The following MYO5B variants were observed in gnomAD, a reference collection of about 807,000 sequenced individuals.
MYO5B encodes unconventional myosin-Vb.
Under a neutral mutation model 229.3 loss-of-function variants are expected in MYO5B, and 143 were observed. That is an observed-to-expected ratio of 0.62 (90% CI 0.54 to 0.72). The LOEUF (loss-of-function observed/expected upper bound fraction) is 0.72. MYO5B is among the 30% of genes least tolerant of loss of function. MYO5B has a pLI of 0.00. For synonymous variants in MYO5B, 918 were observed against 885.2 expected, an observed-to-expected ratio of 1.04 and a Z score of -0.66; for missense variants, 2,321 against 2,331.0, an observed-to-expected ratio of 1.00 and a Z score of 0.09.
chr18:49,876,301 T>G (rs1463181177), intron 25 of MYO5B: 1 of 273,724 alleles, frequency 3.7e-6, no homozygotes, highest in East Asian at 9.8e-5. Context: ...ATGCTTGCTC[T>G]GCCCCGGAAC....
intron 32 of MYO5B, 64 bp downstream of exon 32, chr18:49,849,503 A>C: frequency 8.6e-7 from 1 of 1,164,122 alleles, no homozygotes; most frequent in South Asian, 1.2e-5. Flanking sequence ...CAGACAGCTC[A>C]CACCCACAGG....
At chr18:50,166,068 A>G (rs938638655) in intron 1 of MYO5B, among the ~76,000 whole-genome samples, 5 of 152,290 alleles carry the variant, frequency 3.3e-5, no homozygotes, top group Non-Finnish European at 7.3e-5. Flanking sequence ...CTCCTTTTTC[A>G]GCAACCAGAA....
intron 22 of MYO5B, 60 bp from the exon 23 acceptor site, chr18:49,880,515 T>C (rs2024574918): frequency 3.0e-6 from 4 of 1,337,424 alleles, no homozygotes; most frequent in African/African-American, 1.4e-5. Context: ...GAGGCTCCTC[T>C]TGTGGGATTT....
At chr18:50,059,832 G>A (rs933912490) in intron 1 of MYO5B, among the ~76,000 whole-genome samples, 1 of 152,196 alleles carries the variant, frequency 6.6e-6, no homozygotes, top group African/African-American at 2.4e-5. Context: ...GATCTTCCAA[G>A]GGTAATTTTA....
intron 7 of MYO5B, 96 bp from the exon 8 acceptor site, chr18:49,984,921 C>A (rs746080023): frequency 3.8e-5 from 34 of 890,790 alleles, no homozygotes; most frequent in Non-Finnish European, 6.0e-5. Flanking sequence ...GCATGCTATC[C>A]CAGACTAAAT....
At chr18:49,995,232 A>G (rs921340913) in intron 5 of MYO5B, among the ~76,000 whole-genome samples, 5 of 150,614 alleles carry the variant, frequency 3.3e-5, no homozygotes, top group African/African-American at 1.2e-4. Context: ...AAGGATAAAG[A>G]TAGATATTAA....
At chr18:49,857,021 C>A in intron 29 of MYO5B, 131 bp from the exon 30 acceptor site, 1 of 752,400 alleles carries the variant, frequency 1.3e-6, no homozygotes, top group Non-Finnish European at 2.3e-6. Flanking sequence ...CAAGAACTCC[C>A]ATTTTCCCTT....
intron 16 of MYO5B, 76 bp from the exon 17 acceptor site, chr18:49,929,674 G>C (rs371757523): frequency 1.4e-5 from 18 of 1,301,048 alleles, no homozygotes; most frequent in Non-Finnish European, 1.9e-5. Flanking sequence ...AAACAAAAAA[G>C]AATCTTTTCC....
At position 49,847,995 on chromosome 18, in the gene MYO5B, C is replaced by T. The variant is rs571031004; in HGVS notation, c.4316-706G>A. Among the ~76,000 whole-genome samples, 47 of 152,350 alleles carry T rather than the reference C, an allele frequency of 3.1e-4. No homozygotes were observed. The South Asian group carries it at 7.7e-3, about 25-fold the overall frequency. On this transcript the variant is annotated intron_variant, in intron 32 of 39. Coordinates refer to ENST00000285039, the MANE Select transcript of MYO5B (RefSeq NM_001080467.3). ...AGGGTTGAAGGTATAAAGGCCTGGT[C>T]AACCCTCACTCAGGCCTCTCCTCAG...
intron 1 of MYO5B, among the ~76,000 whole-genome samples, chr18:50,127,611 G>A (rs770397982): frequency 1.3e-5 from 2 of 152,222 alleles, no homozygotes; most frequent in African/African-American, 2.4e-5. Flanking sequence ...CCAGTCAAGT[G>A]TAAGTTGATG....
chr18:49,902,722 G>C lies in MYO5B; in HGVS notation c.2683C>G (p.Arg895Gly). 6.2e-7 allele frequency: 1 copy of C among 1,610,868 alleles called. No homozygotes were observed. The highest frequency in any genetic ancestry group is 8.5e-7 in the Non-Finnish European group (1 of 1,180,026). The change falls in exon 21 of 40, where the codon CGG becomes GGG. Residue 895 changes from arginine to glycine, a missense_variant. Around this residue, in one of 2 missense-constraint regions of MYO5B, gnomAD observed 2,113 missense variants for 2,044.7 expected, o/e 1.03. Coordinates refer to ENST00000285039, the MANE Select transcript of MYO5B (RefSeq NM_001080467.3). ...DAAIVIQCAF[R>G]MLKARRELKA... is the part of the protein sequence containing the mutation. ...AGCTCCCGCCTGGCCTTGAGCATCC[G>C]GAAGGCACACTGGATGACAATGGCT...
intron 22 of MYO5B, among the ~76,000 whole-genome samples, chr18:49,891,354 T>G (rs1374092498): frequency 2.0e-5 from 3 of 152,202 alleles, no homozygotes; most frequent in African/African-American, 7.2e-5. Context: ...TTTACTCTGC[T>G]TCATTGTTGT....
At chr18:49,929,097 T>C (rs11082788) in intron 17 of MYO5B, among the ~76,000 whole-genome samples, 11,782 of 151,974 alleles carry the variant, frequency 0.078, 941 homozygotes, top group East Asian at 0.3. Context: ...CACCACTTGT[T>C]CCCCCAAAAA....
chr18:50,126,297 C>A (rs1451717218), intron 1 of MYO5B, among the ~76,000 whole-genome samples: 1 of 152,092 alleles, frequency 6.6e-6, no homozygotes, highest in Admixed American at 6.6e-5. Flanking sequence ...ATGTGGGCAC[C>A]CCTGGCCAGA....
In MYO5B at chr18:49,873,232, T is replaced by C. The variant is rs577107209; in HGVS notation, c.3538-1000A>G. ...GACTTAAATGGCCAATGAGAAGGGG[T>C]AGAAACAGCTTCATAAATGGTTAAC... is the stretch of plus-strand genomic sequence containing the variant. On this transcript the variant is annotated intron_variant, in intron 26 of 39. Coordinates refer to ENST00000285039, the MANE Select transcript of MYO5B (RefSeq NM_001080467.3). 2.0e-5 allele frequency among the ~76,000 whole-genome samples: 3 copies of C among 152,322 alleles called. No homozygotes were observed. The South Asian group carries it at 6.2e-4, about 32-fold the overall frequency.
At chr18:50,005,961 C>A (rs919854633) in intron 4 of MYO5B, among the ~76,000 whole-genome samples, 2 of 152,200 alleles carry the variant, frequency 1.3e-5, no homozygotes, top group Non-Finnish European at 2.9e-5. Context: ...CTTGCTTTGT[C>A]CTCCTTTTAA....
intron 1 of MYO5B, among the ~76,000 whole-genome samples, chr18:50,077,767 T>C (rs938972523): frequency 6.6e-5 from 10 of 152,180 alleles, no homozygotes; most frequent in Admixed American, 1.3e-4. Context: ...AAAGAACAGT[T>C]GAACAGCAGT....
chr18:50,046,219 T>C (rs1245731265), intron 2 of MYO5B, among the ~76,000 whole-genome samples: 1 of 152,216 alleles, frequency 6.6e-6, no homozygotes, highest in African/African-American at 2.4e-5. Context: ...ATCAAAGCAG[T>C]GGCTCTCAAC....
At chr18:50,151,524 G>A (rs1489675067) in intron 1 of MYO5B, among the ~76,000 whole-genome samples, 1 of 152,158 alleles carries the variant, frequency 6.6e-6, no homozygotes, top group Non-Finnish European at 1.5e-5. Context: ...AAAAATGTAG[G>A]TTTAAATAAA....
Sources: allele counts gnomAD v4.1 joint callset (sites outside exome capture counted in the v4.1 genomes callset), GRCh38; gene constraint gnomAD v4.1.1; regional missense constraint gnomAD v4.1.1; transcripts MANE v1.5; gene names NCBI Gene and HGNC (gene_info 2026-07-23, HGNC 2026-07-21).